The following EYS variants were observed in gnomAD, a reference collection of about 807,000 sequenced individuals.
The protein encoded by EYS is protein eyes shut homolog.
EYS carries 250 observed loss-of-function variants against 282.1 expected under a neutral mutation model. The ratio of observed to expected loss-of-function variants is 0.89; its 90% CI spans 0.80 to 0.98. The LOEUF is 0.98. Among genes scored for constraint, EYS ranks in the 50% least tolerant of loss-of-function variants. The probability of loss-of-function intolerance (pLI) is 0.00; values close to 1 mark genes in which losing one functional copy is unlikely to be tolerated. For missense variants in EYS, 4,016 were observed against 3,709.0 expected (o/e 1.08, Z -2.15); for synonymous variants, 1,355 against 1,282.9 (o/e 1.06, Z -1.20).
intron 12 of EYS, among the ~76,000 whole-genome samples, chr6:65,180,429 C>T (rs1256696823): frequency 6.6e-6 from 1 of 151,868 alleles, no homozygotes; most frequent in African/African-American, 2.4e-5. Flanking sequence ...AACAGAGAGC[C>T]AAATCATGAG....
chr6:64,449,279 A>C (rs1012139275), intron 26 of EYS, among the ~76,000 whole-genome samples: 1 of 152,174 alleles, frequency 6.6e-6, no homozygotes, highest in Non-Finnish European at 1.5e-5. Context: ...AAATGAATGA[A>C]ATGAAGTGTG....
intron 24 of EYS, among the ~76,000 whole-genome samples, chr6:64,616,865 A>G (rs1337288167): frequency 6.6e-6 from 1 of 151,984 alleles, no homozygotes; most frequent in African/African-American, 2.4e-5. Context: ...CTGTTTTTTC[A>G]CTATATTCAT....
At chr6:63,788,553 A>C (rs1231271780) in intron 38 of EYS, among the ~76,000 whole-genome samples, 2 of 152,186 alleles carry the variant, frequency 1.3e-5, no homozygotes, top group African/African-American at 4.8e-5. Flanking sequence ...AATTCTCCAT[A>C]GAACCACCAG....
At chr6:64,345,573 G>A (rs140843531) in intron 29 of EYS, among the ~76,000 whole-genome samples, 3 of 151,676 alleles carry the variant, frequency 2.0e-5, no homozygotes, top group South Asian at 2.1e-4. Context: ...AAGACTTAAA[G>A]GTTAGACCTA....
intron 29 of EYS, among the ~76,000 whole-genome samples, chr6:64,319,556 TA>T (rs1412907502): frequency 6.6e-6 from 1 of 152,002 alleles, no homozygotes; most frequent in Non-Finnish European, 1.5e-5. Flanking sequence ...CAGATTTTTT[TA>T]AAACAAAGCT....
At chr6:65,637,745 G>A (rs1582550039) in intron 2 of EYS, among the ~76,000 whole-genome samples, 1 of 152,278 alleles carries the variant, frequency 6.6e-6, no homozygotes, top group African/African-American at 2.4e-5. Context: ...GGACAGGGCT[G>A]ACACACCAGC....
intron 8 of EYS, among the ~76,000 whole-genome samples, chr6:65,362,414 T>C (rs563225386): frequency 6.6e-6 from 1 of 152,134 alleles, no homozygotes; most frequent in East Asian, 1.9e-4. Flanking sequence ...TAAACACACA[T>C]AGATATATTT....
chr6:65,632,537 T>C (rs186268249), intron 2 of EYS, among the ~76,000 whole-genome samples: 1 of 152,352 alleles, frequency 6.6e-6, no homozygotes, highest in Admixed American at 6.5e-5. Flanking sequence ...TTATTATTCA[T>C]GCTCTATCAT....
chr6:64,434,494 C>A (rs1774673750), intron 28 of EYS, among the ~76,000 whole-genome samples: 1 of 151,988 alleles, frequency 6.6e-6, no homozygotes, highest in Non-Finnish European at 1.5e-5. Flanking sequence ...TTTTACTGGA[C>A]ACATCATTTA....
intron 28 of EYS, among the ~76,000 whole-genome samples, chr6:64,416,408 G>A (rs1301879634): frequency 6.6e-6 from 1 of 151,962 alleles, no homozygotes; most frequent in Non-Finnish European, 1.5e-5. Context: ...AAATTAACAA[G>A]AGCAGCAGTA....
intron 10 of EYS, among the ~76,000 whole-genome samples, chr6:65,339,062 A>G (rs1309119066): frequency 6.6e-6 from 1 of 151,260 alleles, no homozygotes; most frequent in East Asian, 1.9e-4. Flanking sequence ...GATCTAATAT[A>G]TGCCCTTTAT....
At chr6:65,672,448 C>T (rs1768423231) in intron 1 of EYS, among the ~76,000 whole-genome samples, 2 of 151,982 alleles carry the variant, frequency 1.3e-5, no homozygotes, top group Admixed American at 1.3e-4. Context: ...TTGAGAGACC[C>T]GCAAAATATG....
At chr6:64,475,044 T>C (rs983701288) in intron 26 of EYS, among the ~76,000 whole-genome samples, 2 of 152,208 alleles carry the variant, frequency 1.3e-5, no homozygotes, top group African/African-American at 4.8e-5. Context: ...TTTACAAATA[T>C]CTTTCTGTTT....
intron 5 of EYS, among the ~76,000 whole-genome samples, chr6:65,455,910 C>T (rs1764586378): frequency 6.7e-6 from 1 of 149,520 alleles, no homozygotes; most frequent in South Asian, 2.1e-4. Flanking sequence ...ACAAGAGTAG[C>T]ACTACTTTGA....
At chr6:64,977,049 C>T (rs777172739) in intron 14 of EYS, among the ~76,000 whole-genome samples, 14 of 151,856 alleles carry the variant, frequency 9.2e-5, no homozygotes, top group Admixed American at 2.0e-4. Flanking sequence ...TATGCCACCA[C>T]GCTTGCCTAA....
intron 34 of EYS, among the ~76,000 whole-genome samples, chr6:63,998,822 T>C (rs1271603822): frequency 1.3e-5 from 2 of 150,702 alleles, no homozygotes; most frequent in East Asian, 2.0e-4. Flanking sequence ...TCAAGCACAA[T>C]GTATTAAATC....
At chr6:64,808,436 A>G (rs1225147384) in intron 22 of EYS, among the ~76,000 whole-genome samples, 2 of 152,112 alleles carry the variant, frequency 1.3e-5, no homozygotes, top group Non-Finnish European at 2.9e-5. Context: ...TATATAATTT[A>G]ACTGAGACAA....
chr6:64,795,634 C>CTT (rs1210926090), intron 22 of EYS, among the ~76,000 whole-genome samples: 1 of 152,148 alleles, frequency 6.6e-6, no homozygotes, highest in Non-Finnish European at 1.5e-5. Context: ...ACCGTGTAAA[C>CTT]ATAGGTGAAA....
chr6:64,046,835 G>C (rs1770642934), intron 33 of EYS, among the ~76,000 whole-genome samples: 1 of 152,154 alleles, frequency 6.6e-6, no homozygotes, highest in Non-Finnish European at 1.5e-5. Context: ...CTAGGAATGA[G>C]GTATAGTCTG....
Sources: gnomAD v4.1 joint callset for allele counts (sites outside exome capture counted in the v4.1 genomes callset) on GRCh38, gnomAD v4.1.1 for gene constraint, MANE v1.5 for transcripts, NCBI Gene and HGNC (gene_info 2026-07-23, HGNC 2026-07-21) for gene names.